The following ADAMTS14 variants were observed in gnomAD, a reference collection of about 807,000 sequenced individuals.
ADAMTS14 encodes the protein A disintegrin and metalloproteinase with thrombospondin motifs 14.
In ADAMTS14, 100 loss-of-function variants were observed where a neutral mutation model predicts 128.6. The observed-to-expected ratio is 0.78, with a 90% CI of 0.66 to 0.92. ADAMTS14 has a LOEUF of 0.92. Ranked by LOEUF, ADAMTS14 falls within the 40% of genes least tolerant of loss-of-function variation. The pLI, the probability that ADAMTS14 is intolerant of heterozygous loss-of-function variation, is 0.00. For missense variants in ADAMTS14, 1,562 were observed against 1,658.6 expected (o/e 0.94, Z 1.01); for synonymous variants, 665 against 653.8 (o/e 1.02, Z -0.26).
chr10:70,736,590 T>A, intron 9 of ADAMTS14, 90 bp from the exon 10 acceptor site: 1 of 1,252,260 alleles, frequency 8.0e-7, no homozygotes, highest in Non-Finnish European at 1.1e-6. Context: ...GTGCCTGCAC[T>A]CATCACACCC....
intron 12 of ADAMTS14, among the ~76,000 whole-genome samples, chr10:70,741,820 C>T (rs1330261884): frequency 6.6e-6 from 1 of 152,196 alleles, no homozygotes; most frequent in Non-Finnish European, 1.5e-5. Context: ...CCAGTGATGG[C>T]TCCATAGCGG....
chr10:70,693,458 C>T (rs1840246874), intron 2 of ADAMTS14, among the ~76,000 whole-genome samples: 1 of 152,152 alleles, frequency 6.6e-6, no homozygotes, highest in African/African-American at 2.4e-5. Context: ...GAATCACGGC[C>T]GCAGATGCAA....
In ADAMTS14 at chr10:70,761,499, G is replaced by A. The variant is rs1337372079; in HGVS notation, c.*646G>A. On this transcript the variant is annotated 3_prime_UTR_variant, in exon 22 of 22. Coordinates refer to ENST00000373207, the MANE Select transcript of ADAMTS14 (RefSeq NM_080722.4). ...GTTTGTCTTTGCTGGCCAGAAGATG[G>A]TGCTCATGGCCATACTCTGGCCTTG... The A allele has an allele frequency of 6.6e-6, 1 of 152,258 alleles. No homozygotes were observed. The allele number at this position is 152,258 out of a possible 1,614,324, so 9.4% of individuals were successfully genotyped here. A position where few individuals can be genotyped will look rare whatever the true frequency, so the allele number is the denominator to read the frequency against.
intron 2 of ADAMTS14, among the ~76,000 whole-genome samples, chr10:70,682,537 G>A (rs765230108): frequency 5.3e-5 from 8 of 152,076 alleles, no homozygotes; most frequent in Non-Finnish European, 7.4e-5. Context: ...TGTGTGGTTC[G>A]GTTTTCTCAT....
chr10:70,751,384 G>T (rs533888716), intron 16 of ADAMTS14, 94 bp from the exon 17 acceptor site: 34 of 1,276,800 alleles, frequency 2.7e-5, no homozygotes, highest in Non-Finnish European at 3.3e-5. Context: ...GTTCTGCTCC[G>T]ACCCTAAGGC....
chr10:70,738,945 G>A lies in ADAMTS14; in HGVS notation c.1703G>A (p.Cys568Tyr). Residue 568 changes from cysteine to tyrosine, a missense_variant, in exon 11 of 22, where the codon TGT becomes TAT. Cys to Tyr is a radical substitution (Grantham distance 194). Transcript: ENST00000373207. ...AAGTTTGGGTCATGTTCGCGGTCATGTGGGGGCGGGGTGCGATCCCGCAGC... is the reference window on the plus strand; with the variant it reads ...AAGTTTGGGTCATGTTCGCGGTCATATGGGGGCGGGGTGCGATCCCGCAGC... ...WTKFGSCSRSCGGGVRSRSRS... is the reference protein window; with the variant it reads ...WTKFGSCSRSYGGGVRSRSRS... The A allele has an allele frequency of 2.5e-6, 4 of 1,613,892 alleles. No individual in the cohort carries two copies. The highest frequency in any genetic ancestry group is 1.1e-5 in the South Asian group (1 of 91,080).
At position 70,672,816 on chromosome 10, in the gene ADAMTS14, G is replaced by A. The variant is rs772628117; in HGVS notation, c.14G>A (p.Arg5His). Residue 5 changes from arginine to histidine, a missense_variant, in exon 1 of 22, where the codon CGC (arginine) becomes CAC (histidine). Arg to His is a conservative substitution (Grantham distance 29). Transcript: ENST00000373207. ...CAGCGCGGCCACATGGCTCCACTCC[G>A]CGCGCTGCTGTCCTACCTGCTGCCT... The part of the protein sequence containing the change: MAPL[R>H]ALLSYLLPLH... 1.9e-5 allele frequency: 28 copies of A among 1,511,478 alleles called. No individual in the cohort carries two copies. In the East Asian group the frequency reaches 4.1e-4, roughly 22 times the overall value. 93.6% of individuals were successfully genotyped at this position (1,511,478 alleles called of 1,614,324 possible).
intron 12 of ADAMTS14, among the ~76,000 whole-genome samples, chr10:70,742,487 G>A (rs1402411753): frequency 6.6e-6 from 1 of 152,266 alleles, no homozygotes; most frequent in Non-Finnish European, 1.5e-5. Flanking sequence ...GGAGGTTGTG[G>A]CTCCAGACTT....
chr10:70,754,132 C>T, intron 19 of ADAMTS14, 125 bp downstream of exon 19: 1 of 949,298 alleles, frequency 1.1e-6, no homozygotes, highest in Non-Finnish European at 1.5e-6. Context: ...ATTTTGTTTT[C>T]CTTAAAGTAG....
chr10:70,750,588 A>T (rs1842322204), intron 16 of ADAMTS14, among the ~76,000 whole-genome samples: 1 of 152,088 alleles, frequency 6.6e-6, no homozygotes, highest in African/African-American at 2.4e-5. Flanking sequence ...TGTCACCCTC[A>T]CCAGCTGGGG....
rs778052718 is a variant in ADAMTS14, at chr10:70,702,368, C to A, written c.579C>A (p.Gly193=). Residue 193 remains glycine (G), a synonymous_variant, in exon 3 of 22, where the codon GGC becomes GGA. Coordinates refer to ENST00000373207, the MANE Select transcript of ADAMTS14 (RefSeq NM_080722.4). The part of the protein sequence containing the change: ...TDFFIEPLER[G]QQEKEASGRT... ...TCTTCATTGAGCCTCTGGAGCGGGGCCAGCAGGAGAAGGAGGCCAGCGGGA... is the reference window on the plus strand; with the variant it reads ...TCTTCATTGAGCCTCTGGAGCGGGGACAGCAGGAGAAGGAGGCCAGCGGGA... The A allele has an allele frequency of 1.2e-6, 2 of 1,614,138 alleles. No individual in the cohort carries two copies. The highest frequency in any genetic ancestry group is 2.2e-5 in the South Asian group (2 of 91,078).
At chr10:70,745,653 C>T (rs1842156123) in intron 15 of ADAMTS14, among the ~76,000 whole-genome samples, 1 of 152,210 alleles carries the variant, frequency 6.6e-6, no homozygotes, top group Non-Finnish European at 1.5e-5. Context: ...TATCAGTCAG[C>T]TTTTGCTGCC....
rs541109290 is a variant in ADAMTS14, at chr10:70,758,361, G to A, written c.3178+76G>A. 1,996 of 1,351,432 alleles carry A rather than the reference G, an allele frequency of 1.5e-3. 4 individuals carry two copies. The highest frequency in any genetic ancestry group is 1.5e-3 in the Non-Finnish European group (1,520 of 984,468). The allele number at this position is 1,351,432 out of a possible 1,614,324, so 83.7% of individuals were successfully genotyped here. On this transcript the variant is annotated intron_variant, in intron 21 of 21. Transcript: ENST00000373207. The stretch of plus-strand genomic sequence containing the variant: ...CTGGTGTTGCAGCATGGGCCACTCA[G>A]TGGAGCAAACCCAGCTTGTAGCTGT...
intron 2 of ADAMTS14, among the ~76,000 whole-genome samples, chr10:70,697,408 G>T (rs1425363095): frequency 6.6e-6 from 1 of 152,200 alleles, no homozygotes; most frequent in Non-Finnish European, 1.5e-5. Context: ...CTTGCTCATT[G>T]TCTCTGTACC....
rs767608429 is a variant in ADAMTS14, at chr10:70,688,886, G to A, written c.523-13426G>A. On this transcript the variant is annotated intron_variant, in intron 2 of 21. Transcript: ENST00000373207. ...GGGAGGGGGAGGGGGAGGGGGAGGG[G>A]GAGGGGGAGGGAGAGGGAGAGCCTT... Among the ~76,000 whole-genome samples, 38 of 8,204 alleles carry A rather than the reference G, an allele frequency of 4.6e-3. 10 individuals carry two copies. Among genetic ancestry groups the A allele is most frequent in the African/African-American group, 0.013 (21 of 1,648 alleles). The allele number at this position is 8,204 out of a possible 152,430, so 5.4% of individuals were successfully genotyped here. A position where few individuals can be genotyped will look rare whatever the true frequency, so the allele number is the denominator to read the frequency against.
intron 2 of ADAMTS14, among the ~76,000 whole-genome samples, chr10:70,699,030 C>T (rs1242154672): frequency 6.6e-6 from 1 of 152,094 alleles, no homozygotes; most frequent in Non-Finnish European, 1.5e-5. Context: ...GGGTTTTGCC[C>T]AGAGGTGGAG....
chr10:70,725,187 C>A (rs10762400), intron 4 of ADAMTS14, among the ~76,000 whole-genome samples: 47,419 of 151,842 alleles, frequency 0.31, 8,372 homozygotes, highest in African/African-American at 0.48. Context: ...TAAGAGACTG[C>A]GGTCACTGTC....
chr10:70,739,101 T>C, intron 11 of ADAMTS14, 111 bp downstream of exon 11: 1 of 1,319,614 alleles, frequency 7.6e-7, no homozygotes, highest in East Asian at 2.5e-5. Context: ...CCCCTGTGGG[T>C]GGTTGTGTAT....
chr10:70,759,966 G>A (rs1842566542), intron 21 of ADAMTS14, among the ~76,000 whole-genome samples: 1 of 152,224 alleles, frequency 6.6e-6, no homozygotes, highest in African/African-American at 2.4e-5. Flanking sequence ...CGAAGGGCCA[G>A]GGTTCTCAGA....
Sources: allele counts gnomAD v4.1 joint callset (sites outside exome capture counted in the v4.1 genomes callset), GRCh38; gene constraint gnomAD v4.1.1; transcripts MANE v1.5; gene names NCBI Gene and HGNC (gene_info 2026-07-23, HGNC 2026-07-21).